Variants in ATRNL1 observed in about 807,000 individuals in gnomAD.
ATRNL1 encodes the protein attractin like 1.
Under a neutral mutation model 182.7 loss-of-function variants are expected in ATRNL1, and 95 were observed. That is an observed-to-expected ratio of 0.52 (90% CI 0.44 to 0.62). The LOEUF is 0.62. Ranked by LOEUF, ATRNL1 falls within the 20% of genes least tolerant of loss-of-function variation. The pLI, the probability that ATRNL1 is intolerant of heterozygous loss-of-function variation, is 0.00. For synonymous variants in ATRNL1, 576 were observed against 568.3 expected (o/e 1.01, Z -0.19); for missense variants, 1,471 against 1,679.5 (o/e 0.88, Z 2.17).
intron 26 of ATRNL1, among the ~76,000 whole-genome samples, chr10:115,631,954 A>G (rs1485288913): frequency 6.6e-6 from 1 of 152,158 alleles, no homozygotes; most frequent in Non-Finnish European, 1.5e-5. Context: ...TCATCTATCA[A>G]GAATATATAT....
At chr10:115,613,238 A>G (rs1857255390) in intron 26 of ATRNL1, among the ~76,000 whole-genome samples, 1 of 152,212 alleles carries the variant, frequency 6.6e-6, no homozygotes, top group African/African-American at 2.4e-5. Context: ...ACAGGCAACA[A>G]AGAGATACTG....
chr10:115,535,916 A>T (rs1281239467), intron 25 of ATRNL1, among the ~76,000 whole-genome samples: 3 of 151,778 alleles, frequency 2.0e-5, no homozygotes, highest in Admixed American at 2.0e-4. Context: ...GTGTCTGCAG[A>T]ACAGCAGATT....
At chr10:115,283,036 G>A (rs1304080803) in intron 14 of ATRNL1, among the ~76,000 whole-genome samples, 2 of 151,276 alleles carry the variant, frequency 1.3e-5, no homozygotes, top group East Asian at 1.9e-4. Flanking sequence ...AAAACATATT[G>A]GAAAATTCCA....
At chr10:115,637,839 G>A (rs1193741394) in intron 26 of ATRNL1, among the ~76,000 whole-genome samples, 1 of 151,814 alleles carries the variant, frequency 6.6e-6, no homozygotes, top group African/African-American at 2.4e-5. Context: ...TGGTCAGGAT[G>A]GTCTCGAACT....
intron 25 of ATRNL1, among the ~76,000 whole-genome samples, 197 bp downstream of exon 25, chr10:115,519,521 C>A (rs1298736402): frequency 6.6e-6 from 1 of 152,038 alleles, no homozygotes; most frequent in Non-Finnish European, 1.5e-5. Context: ...GATTATTTTG[C>A]TGTTATACTA....
chr10:115,858,437 G>A (rs1951236004), intron 28 of ATRNL1, among the ~76,000 whole-genome samples: 1 of 152,164 alleles, frequency 6.6e-6, no homozygotes, highest in Non-Finnish European at 1.5e-5. Flanking sequence ...ACTAACACAG[G>A]AAGAGAAAGC....
chr10:115,495,350 C>A (rs189028094), intron 24 of ATRNL1, among the ~76,000 whole-genome samples: 1 of 152,112 alleles, frequency 6.6e-6, no homozygotes, highest in African/African-American at 2.4e-5. Context: ...TACTTCTTAT[C>A]TTCTGCTAGC....
At chr10:115,713,314 A>G (rs72641361) in intron 26 of ATRNL1, among the ~76,000 whole-genome samples, 3,554 of 152,270 alleles carry the variant, frequency 0.023, 120 homozygotes, top group East Asian at 0.19. Flanking sequence ...CTAGATGCTG[A>G]GATTAACATA....
chr10:115,149,843 G>A (rs1220992472), intron 5 of ATRNL1, among the ~76,000 whole-genome samples: 2 of 145,580 alleles, frequency 1.4e-5, no homozygotes, highest in Non-Finnish European at 3.0e-5. Context: ...TCCTGGCCTT[G>A]TAAAATGAAT....
intron 21 of ATRNL1, among the ~76,000 whole-genome samples, chr10:115,432,316 C>T (rs1411125234): frequency 5.9e-5 from 9 of 151,924 alleles, no homozygotes; most frequent in Non-Finnish European, 2.9e-5. Context: ...CTAGTGGTGA[C>T]CTTATTGGAC....
At chr10:115,642,451 C>A (rs75636068) in intron 26 of ATRNL1, among the ~76,000 whole-genome samples, 1 of 130,456 alleles carries the variant, frequency 7.7e-6, no homozygotes. Context: ...TTTTTTTTTT[C>A]TTTTTTTTTG....
intron 24 of ATRNL1, among the ~76,000 whole-genome samples, chr10:115,473,572 G>A (rs531884699): frequency 1.5e-4 from 22 of 151,268 alleles, no homozygotes; most frequent in African/African-American, 5.1e-4. Context: ...TGGGTGTCAG[G>A]GAAATGCTTG....
intron 26 of ATRNL1, among the ~76,000 whole-genome samples, chr10:115,618,874 A>G (rs1857573472): frequency 2.6e-5 from 4 of 151,970 alleles, no homozygotes; most frequent in South Asian, 4.1e-4. Context: ...GGGTGATGCA[A>G]TGTTTCTTTG....
chr10:115,144,418 A>G (rs1845887188), intron 5 of ATRNL1, among the ~76,000 whole-genome samples: 1 of 152,030 alleles, frequency 6.6e-6, no homozygotes, highest in African/African-American at 2.4e-5. Flanking sequence ...TCAGCCTCCC[A>G]AAGTGCTGGG....
At chr10:115,151,955 A>G (rs1388597346) in intron 5 of ATRNL1, among the ~76,000 whole-genome samples, 1 of 152,222 alleles carries the variant, frequency 6.6e-6, no homozygotes, top group East Asian at 1.9e-4. Flanking sequence ...TCCCAGAACC[A>G]TTTATTAAAT....
intron 27 of ATRNL1, among the ~76,000 whole-genome samples, chr10:115,738,139 T>TTTTTGTTTTTTTTTG (rs1948020580): frequency 9.9e-6 from 1 of 101,362 alleles, no homozygotes; most frequent in African/African-American, 3.4e-5. Flanking sequence ...TTTTTTTTTT[T>TTTTTGTTTTTTTTTG]TTTTTTTTTT....
chr10:115,510,714 G>A (rs1013901617), intron 24 of ATRNL1, among the ~76,000 whole-genome samples: 1 of 152,062 alleles, frequency 6.6e-6, no homozygotes, highest in East Asian at 1.9e-4. Context: ...TCCAACATAT[G>A]CCTGTACTGT....
At chr10:115,587,498 T>G (rs566204957) in intron 26 of ATRNL1, among the ~76,000 whole-genome samples, 2 of 151,674 alleles carry the variant, frequency 1.3e-5, no homozygotes, top group Non-Finnish European at 2.9e-5. Context: ...AAGCGCAGTA[T>G]TCAGGTGGGA....
chr10:115,328,353 A>G (rs1217077288), intron 18 of ATRNL1, among the ~76,000 whole-genome samples: 5 of 152,150 alleles, frequency 3.3e-5, no homozygotes, highest in Non-Finnish European at 7.4e-5. Context: ...GTTTTAATAC[A>G]GGTATATGTT....
Sources: gnomAD v4.1 joint callset for allele counts (sites outside exome capture counted in the v4.1 genomes callset) on GRCh38, gnomAD v4.1.1 for gene constraint, MANE v1.5 for transcripts, NCBI Gene and HGNC (gene_info 2026-07-23, HGNC 2026-07-21) for gene names.